Variants in SLC39A10 observed in about 807,000 individuals in gnomAD.
The protein encoded by SLC39A10 is solute carrier family 39 member 10.
In SLC39A10, 13 loss-of-function variants were observed where a neutral mutation model predicts 65.1. The observed-to-expected ratio is 0.20, with a 90% CI of 0.13 to 0.32. The LOEUF is 0.32. Among genes scored for constraint, SLC39A10 ranks in the 10% least tolerant of loss-of-function variants. The pLI, the probability that SLC39A10 is intolerant of heterozygous loss-of-function variation, is 1.00. For synonymous variants in SLC39A10, 321 were observed against 342.2 expected (o/e 0.94, Z 0.68); for missense variants, 831 against 1,018.4 (o/e 0.82, Z 2.50).
chr2:195,673,824 T>A (rs1267609263), intron 1 of SLC39A10, among the ~76,000 whole-genome samples: 1 of 152,256 alleles, frequency 6.6e-6, no homozygotes. Context: ...AGAAGAATAA[T>A]CAAGCACCTG....
chr2:195,678,286 G>T (rs1026214221), intron 1 of SLC39A10, among the ~76,000 whole-genome samples: 1 of 152,016 alleles, frequency 6.6e-6, no homozygotes, highest in Non-Finnish European at 1.5e-5. Context: ...TTTGATATTG[G>T]CAGTATTTTA....
At chr2:195,679,763 A>G (rs1690231072) in intron 1 of SLC39A10, among the ~76,000 whole-genome samples, 4 of 152,206 alleles carry the variant, frequency 2.6e-5, no homozygotes, top group Admixed American at 6.5e-5. Context: ...TATTGCTGAT[A>G]TATAGGAATA....
Position 195,644,890 on chromosome 2 carries a change from C to CTTTATTTATTTATTTATTTA in SLC39A10, c.-11-35125_-11-35106dup, listed in dbSNP as rs55931319. On this transcript the variant is annotated intron_variant, in intron 2 of 2. Coordinates refer to the SLC39A10 transcript ENST00000458054. The stretch of plus-strand genomic sequence containing the variant: ...GCCTCACCCATGACCAATCTAACTA[C>CTTTATTTATTTATTTATTTA]TTTATTTATTTATTTATTTATTTAT... Among the ~76,000 whole-genome samples, 46 of 138,218 alleles carry CTTTATTTATTTATTTATTTA rather than the reference C, an allele frequency of 3.3e-4. 1 individual carries two copies. The highest frequency in any genetic ancestry group is 1.7e-3 in the East Asian group (6 of 3,524). 90.7% of individuals were successfully genotyped at this position (138,218 alleles called of 152,430 possible). A position where few individuals can be genotyped will look rare whatever the true frequency, so the allele number is the denominator to read the frequency against.
chr2:195,651,394 G>C (rs1689027359), intron 2 of SLC39A10, among the ~76,000 whole-genome samples: 1 of 152,168 alleles, frequency 6.6e-6, no homozygotes, highest in Non-Finnish European at 1.5e-5. Context: ...GGCTGAAATA[G>C]TCTCTAAAAA....
chr2:195,689,443 G>A (rs775546684), intron 3 of SLC39A10, among the ~76,000 whole-genome samples: 4 of 151,868 alleles, frequency 2.6e-5, no homozygotes, highest in Non-Finnish European at 5.9e-5. Flanking sequence ...AGGACTTTGG[G>A]TTTAGTTTTA....
At chr2:195,715,328 C>T (rs1488519333) in intron 6 of SLC39A10, among the ~76,000 whole-genome samples, 2 of 151,740 alleles carry the variant, frequency 1.3e-5, no homozygotes, top group African/African-American at 2.4e-5. Context: ...GAGTTCAAGA[C>T]CAGCCTGACC....
chr2:195,680,620 C>T lies in SLC39A10; in HGVS notation c.578C>T (p.Thr193Ile), dbSNP rs1431250001. The change falls in exon 2 of 10, where the codon ACT becomes ATT. Residue 193 changes from threonine (T) to isoleucine (I), a missense_variant. Thr to Ile is a moderately conservative substitution (Grantham distance 89, BLOSUM62 -1). Transcript: ENST00000359634. ...RLHHHLDHNN[T>I]HHFHNDSITP... ...CATCATCATCTTGATCATAACAACA[C>T]TCACCATTTTCATAATGATTCCATT... The T allele has an allele frequency of 6.2e-7, 1 of 1,613,982 alleles. No individual in the cohort carries two copies. Among genetic ancestry groups the T allele is most frequent in the Non-Finnish European group, 8.5e-7 (1 of 1,180,032 alleles).
chr2:195,719,614 T>A (rs1282991672), intron 8 of SLC39A10, among the ~76,000 whole-genome samples: 4 of 151,856 alleles, frequency 2.6e-5, no homozygotes, highest in African/African-American at 4.8e-5. Context: ...GGCATTAACT[T>A]TCTTTTTTTT....
intron 8 of SLC39A10, among the ~76,000 whole-genome samples, chr2:195,723,559 T>C (rs1692127364): frequency 6.6e-6 from 1 of 152,092 alleles, no homozygotes; most frequent in South Asian, 2.1e-4. Context: ...TTTCACAAAC[T>C]CCTGCCGGAA....
chr2:195,700,016 G>C (rs1359298140), intron 3 of SLC39A10, among the ~76,000 whole-genome samples: 3 of 152,032 alleles, frequency 2.0e-5, no homozygotes, highest in Non-Finnish European at 2.9e-5. Context: ...TAAAAGTCTA[G>C]TTTGATATTA....
At chr2:195,616,729 A>C (rs1307191782) in intron 2 of SLC39A10, among the ~76,000 whole-genome samples, 1 of 151,242 alleles carries the variant, frequency 6.6e-6, no homozygotes, top group Non-Finnish European at 1.5e-5. Context: ...TCAGCCTTCC[A>C]AGTAGCTGGG....
At chr2:195,690,893 G>T (rs976166448) in intron 3 of SLC39A10, among the ~76,000 whole-genome samples, 1 of 152,078 alleles carries the variant, frequency 6.6e-6, no homozygotes, top group African/African-American at 2.4e-5. Flanking sequence ...GGAACAGGTG[G>T]AGTTTGATTA....
At chr2:195,632,954 G>C (rs1389456173) in intron 2 of SLC39A10, among the ~76,000 whole-genome samples, 1 of 152,126 alleles carries the variant, frequency 6.6e-6, no homozygotes, top group Non-Finnish European at 1.5e-5. Flanking sequence ...CTTTATAACG[G>C]GGACTAGATT....
At chr2:195,624,530 A>G (rs1374435312) in intron 2 of SLC39A10, among the ~76,000 whole-genome samples, 5 of 152,108 alleles carry the variant, frequency 3.3e-5, no homozygotes, top group African/African-American at 9.7e-5. Flanking sequence ...GATACAAGAT[A>G]CGGTGATTGT....
intron 2 of SLC39A10, among the ~76,000 whole-genome samples, chr2:195,644,444 C>A (rs919162894): frequency 1.3e-5 from 2 of 150,226 alleles, no homozygotes; most frequent in African/African-American, 4.9e-5. Flanking sequence ...CGGGTTCAAG[C>A]GATTCTCCTG....
At chr2:195,624,818 G>C (rs914472004) in intron 2 of SLC39A10, among the ~76,000 whole-genome samples, 1 of 146,570 alleles carries the variant, frequency 6.8e-6, no homozygotes. Context: ...GGCGGAGATT[G>C]CAGTGAGCCG....
chr2:195,652,086 G>A (rs1354419620), upstream of SLC39A10, among the ~76,000 whole-genome samples: 1 of 152,190 alleles, frequency 6.6e-6, no homozygotes, highest in East Asian at 1.9e-4. Context: ...GTCCAGAAAA[G>A]TGGGACAACT....
chr2:195,672,737 C>T (rs537088609), intron 1 of SLC39A10, among the ~76,000 whole-genome samples: 1 of 152,112 alleles, frequency 6.6e-6, no homozygotes, highest in Non-Finnish European at 1.5e-5. Flanking sequence ...GATGTCTGAT[C>T]AATATATATG....
intron 1 of SLC39A10, chr2:195,657,555 C>T (rs1158946090): frequency 4.3e-5 from 42 of 983,646 alleles, no homozygotes; most frequent in Non-Finnish European, 4.9e-5. Context: ...GATCGGGAGC[C>T]GGCGGCATCC....
Sources: allele counts gnomAD v4.1 joint callset (sites outside exome capture counted in the v4.1 genomes callset), GRCh38; gene constraint gnomAD v4.1.1; transcripts MANE v1.5; gene names NCBI Gene and HGNC (gene_info 2026-07-23, HGNC 2026-07-21).